ZNF721: variants seen among roughly 807,000 people sequenced by gnomAD.
ZNF721 encodes the protein zinc finger protein 721.
Under a neutral mutation model 2.4 loss-of-function variants are expected in ZNF721, and 2 were observed. The ratio of observed to expected loss-of-function variants is 0.82; its 90% CI spans 0.34 to 2.58. ZNF721 has a LOEUF of 2.58. Ranked by LOEUF, ZNF721 falls within the 30% of genes most tolerant of loss-of-function variation. The pLI is 0.11. For synonymous variants in ZNF721, 398 were observed against 381.8 expected (o/e 1.04, Z -0.50); for missense variants, 1,187 against 1,085.5 (o/e 1.09, Z -1.31).
At chr4:477,527 C>T (rs782800995) in intron 1 of ZNF721, among the ~76,000 whole-genome samples, 2 of 152,040 alleles carry the variant, frequency 1.3e-5, no homozygotes, top group African/African-American at 2.4e-5. Context: ...CATGAGCCAC[C>T]GTGCCCGGCG....
chr4:462,349 A>C (rs895341016), intron 2 of ZNF721, among the ~76,000 whole-genome samples: 5 of 152,248 alleles, frequency 3.3e-5, no homozygotes, highest in African/African-American at 9.6e-5. Flanking sequence ...TATAGATTCA[A>C]TGCTATTCCC....
intron 1 of ZNF721, among the ~76,000 whole-genome samples, chr4:496,317 C>T (rs1357920425): frequency 1.3e-5 from 2 of 152,042 alleles, no homozygotes; most frequent in Non-Finnish European, 2.9e-5. Flanking sequence ...TTGGGTTCAC[C>T]CGTGTGGTGG....
chr4:451,077 A>G (rs1553864810), intron 2 of ZNF721, among the ~76,000 whole-genome samples: 1 of 150,720 alleles, frequency 6.6e-6, no homozygotes, highest in African/African-American at 2.4e-5. Flanking sequence ...CAATTCCTGG[A>G]AACACAAATG....
chr4:469,189 C>T (rs2108709410), intron 2 of ZNF721, among the ~76,000 whole-genome samples: 1 of 152,108 alleles, frequency 6.6e-6, no homozygotes, highest in African/African-American at 2.4e-5. Context: ...CATGCCTTGG[C>T]CTCTGAAAGT....
At position 472,634 on chromosome 4, in the gene ZNF721, G is replaced by T. The variant is rs1211265738; in HGVS notation, c.-26C>A. 4 of 1,613,830 alleles carry T rather than the reference G, an allele frequency of 2.5e-6. No individual in the cohort carries two copies. Among genetic ancestry groups the T allele is most frequent in the African/African-American group, 1.3e-5 (1 of 74,858 alleles). On this transcript the variant is annotated 5_prime_UTR_variant, in exon 2 of 3. An upstream open reading frame in the 5' UTR gains an earlier in-frame stop. Transcript: ENST00000511833. The stretch of plus-strand genomic sequence containing the variant: ...CACATCTCTATACAAATTCTGCTGG[G>T]CAGGGTCCAGGCATTTCCACTCTTC...
intron 1 of ZNF721, among the ~76,000 whole-genome samples, chr4:496,702 GACTT>G (rs1698032244): frequency 7.3e-6 from 1 of 136,750 alleles, no homozygotes; most frequent in South Asian, 2.4e-4. Context: ...CAAAATACAT[GACTT>G]CTTTTTTTTT....
chr4:473,608 A>C (rs1250505161), intron 1 of ZNF721, among the ~76,000 whole-genome samples: 18 of 152,094 alleles, frequency 1.2e-4, no homozygotes, highest in Admixed American at 1.2e-3. Flanking sequence ...TGCTCACATG[A>C]ACTCTATGTT....
chr4:468,958 AAAG>A (rs1380019845), intron 2 of ZNF721, among the ~76,000 whole-genome samples: 1 of 152,220 alleles, frequency 6.6e-6, no homozygotes, highest in Non-Finnish European at 1.5e-5. Context: ...CCTGCCTGCA[AAAG>A]AAGAAAAAAT....
intron 2 of ZNF721, among the ~76,000 whole-genome samples, chr4:464,161 A>T (rs1423821786): frequency 1.3e-5 from 2 of 152,230 alleles, no homozygotes; most frequent in Admixed American, 6.5e-5. Flanking sequence ...TACACAGGAT[A>T]AAATCAGCAA....
intron 2 of ZNF721, 48 bp downstream of exon 2, chr4:472,527 T>C: frequency 6.4e-7 from 1 of 1,565,490 alleles, no homozygotes. Flanking sequence ...AAATAGAAAA[T>C]AAAACTCAGA....
intron 2 of ZNF721, among the ~76,000 whole-genome samples, chr4:447,340 A>C (rs1234755725): frequency 6.6e-6 from 1 of 151,986 alleles, no homozygotes; most frequent in East Asian, 1.9e-4. Flanking sequence ...TAAATAAATA[A>C]AATAAAACAA....
intron 1 of ZNF721, among the ~76,000 whole-genome samples, chr4:494,348 A>ATT (rs200096546): frequency 0.011 from 1,606 of 147,552 alleles, 24 homozygotes; most frequent in African/African-American, 0.038. Context: ...TGCCCATCTA[A>ATT]TTTTTTTTTT....
intron 1 of ZNF721, among the ~76,000 whole-genome samples, chr4:475,050 G>A (rs1715592009): frequency 6.6e-6 from 1 of 152,068 alleles, no homozygotes; most frequent in African/African-American, 2.4e-5. Context: ...AGCCGGGCGT[G>A]GTGGGGGGCG....
chr4:479,971 C>G (rs188072949), intron 1 of ZNF721, among the ~76,000 whole-genome samples: 1 of 151,602 alleles, frequency 6.6e-6, no homozygotes, highest in Admixed American at 6.6e-5. Flanking sequence ...TTGGTAATTT[C>G]GTATTTTTTT....
chr4:453,818 C>T (rs1378615668), intron 2 of ZNF721: 2 of 152,240 alleles, frequency 1.3e-5, no homozygotes, highest in Non-Finnish European at 2.9e-5. Flanking sequence ...CTTCCTATGA[C>T]CAAACCAAGC....
At chr4:452,067 G>A (rs937365459) in intron 2 of ZNF721, among the ~76,000 whole-genome samples, 1 of 152,180 alleles carries the variant, frequency 6.6e-6, no homozygotes, top group Non-Finnish European at 1.5e-5. Flanking sequence ...GTTGCTACAC[G>A]AGAAATGTAA....
intron 1 of ZNF721, among the ~76,000 whole-genome samples, chr4:490,588 A>G (rs78225264): frequency 0.011 from 1,625 of 152,310 alleles, 25 homozygotes; most frequent in African/African-American, 0.037. Context: ...AATAGCTAAC[A>G]TTTTATTTTT....
At chr4:485,979 T>A (rs1715885666) in intron 1 of ZNF721, among the ~76,000 whole-genome samples, 3 of 150,884 alleles carry the variant, frequency 2.0e-5, no homozygotes, top group African/African-American at 2.4e-5. Context: ...ATCTAAAAAA[T>A]AAATAAATAA....
chr4:450,895 C>A (rs1402706264), intron 2 of ZNF721, among the ~76,000 whole-genome samples: 1 of 135,808 alleles, frequency 7.4e-6, no homozygotes, highest in African/African-American at 2.8e-5. Context: ...CGAGATTGCA[C>A]CACTGAACTC....
Sources: gnomAD v4.1 joint callset for allele counts (sites outside exome capture counted in the v4.1 genomes callset) on GRCh38, gnomAD v4.1.1 for gene constraint, MANE v1.5 for transcripts, NCBI Gene and HGNC (gene_info 2026-07-23, HGNC 2026-07-21) for gene names.